Variants in SEMA3A observed in about 807,000 individuals in gnomAD.
SEMA3A encodes semaphorin 3A, also known as semaphorin-3A.
Under a neutral mutation model 97.9 loss-of-function variants are expected in SEMA3A, and 29 were observed. The observed-to-expected ratio is 0.30, with a 90% CI of 0.22 to 0.40. The LOEUF (loss-of-function observed/expected upper bound fraction) is 0.40. SEMA3A is among the 10% of genes least tolerant of loss of function. The pLI is 1.00. For synonymous variants in SEMA3A, 321 were observed against 323.7 expected (o/e 0.99, Z 0.09); for missense variants, 763 against 951.3 (o/e 0.80, Z 2.60).
chr7:84,236,919 T>C (rs1232575167), intron 3 of SEMA3A, among the ~76,000 whole-genome samples: 1 of 152,056 alleles, frequency 6.6e-6, no homozygotes, highest in Non-Finnish European at 1.5e-5. Flanking sequence ...GGATAGATTG[T>C]GTTAATTACC....
At chr7:84,432,803 G>A (rs1442811573) in intron 1 of SEMA3A, among the ~76,000 whole-genome samples, 1 of 150,726 alleles carries the variant, frequency 6.6e-6, no homozygotes, top group African/African-American at 2.4e-5. Flanking sequence ...TAGACATCTA[G>A]GTTGATTCCA....
At chr7:84,245,641 G>T (rs1334342469) in intron 3 of SEMA3A, among the ~76,000 whole-genome samples, 2 of 151,702 alleles carry the variant, frequency 1.3e-5, no homozygotes, top group African/African-American at 4.8e-5. Flanking sequence ...ATTTGCTGGA[G>T]GTCCACTCCA....
At chr7:84,086,108 A>T (rs905520914) in intron 4 of SEMA3A, among the ~76,000 whole-genome samples, 1 of 152,092 alleles carries the variant, frequency 6.6e-6, no homozygotes, top group African/African-American at 2.4e-5. Flanking sequence ...TGATAAAGTC[A>T]CAGAGCCAGA....
chr7:84,233,134 TCA>T (rs1799152835), intron 3 of SEMA3A, among the ~76,000 whole-genome samples: 1 of 152,070 alleles, frequency 6.6e-6, no homozygotes, highest in Non-Finnish European at 1.5e-5. Context: ...AACTTCTCAA[TCA>T]TGCAATATTT....
intron 1 of SEMA3A, among the ~76,000 whole-genome samples, chr7:84,401,853 A>T (rs1458941380): frequency 6.6e-6 from 1 of 152,230 alleles, no homozygotes; most frequent in Non-Finnish European, 1.5e-5. Context: ...CATATAAAAA[A>T]TCAACTCTGG....
chr7:84,173,201 A>T (rs1445914371), intron 1 of SEMA3A, among the ~76,000 whole-genome samples: 1 of 152,132 alleles, frequency 6.6e-6, no homozygotes, highest in Non-Finnish European at 1.5e-5. Flanking sequence ...TATCATTTTT[A>T]AAGTATCCTT....
At chr7:84,415,478 A>T (rs1804408185) in intron 1 of SEMA3A, among the ~76,000 whole-genome samples, 1 of 152,122 alleles carries the variant, frequency 6.6e-6, no homozygotes, top group South Asian at 2.1e-4. Context: ...TAAAAATTAC[A>T]TGCAGAAAAA....
At chr7:84,093,847 T>C (rs1487135187) in intron 4 of SEMA3A, among the ~76,000 whole-genome samples, 1 of 151,448 alleles carries the variant, frequency 6.6e-6, no homozygotes, top group Admixed American at 6.6e-5. Context: ...CTGGGCTTAA[T>C]ACTTAGGTGA....
intron 1 of SEMA3A, among the ~76,000 whole-genome samples, chr7:84,431,415 CTCT>C (rs1276959960): frequency 6.6e-6 from 1 of 151,922 alleles, no homozygotes; most frequent in Non-Finnish European, 1.5e-5. Context: ...CCTTTTAAAG[CTCT>C]TCTTCTTTGA....
intron 1 of SEMA3A, among the ~76,000 whole-genome samples, chr7:84,424,609 T>C (rs1271275675): frequency 5.1e-5 from 2 of 39,534 alleles, no homozygotes; most frequent in African/African-American, 3.3e-4. Flanking sequence ...AATATTAATA[T>C]ATAATATAAT....
chr7:83,980,118 C>T (rs909790164), intron 14 of SEMA3A, among the ~76,000 whole-genome samples: 12 of 152,186 alleles, frequency 7.9e-5, no homozygotes, highest in African/African-American at 2.9e-4. Context: ...ATGTTAATTT[C>T]ATCCACCATT....
intron 3 of SEMA3A, among the ~76,000 whole-genome samples, chr7:84,291,530 G>T (rs1562888866): frequency 1.3e-5 from 2 of 151,856 alleles, no homozygotes; most frequent in Admixed American, 6.6e-5. Flanking sequence ...ATTACGTAAT[G>T]CTGTCTCTTC....
In SEMA3A at chr7:84,416,612, T is replaced by C. The variant is rs187655533; in HGVS notation, c.-245-44712A>G. ...AAATGCAGTTGTATTCACAAACATT[T>C]AGCTTAAAAACGCAAAGGTTTGAAG... On this transcript the variant is annotated intron_variant, in intron 1 of 3. Transcript: ENST00000424555. 8.4e-4 allele frequency among the ~76,000 whole-genome samples: 128 copies of C among 152,252 alleles called. 1 individual carries two copies. Among genetic ancestry groups the C allele is most frequent in the Middle Eastern group, 3.4e-3 (1 of 294 alleles).
chr7:84,221,048 T>G (rs1798868382), intron 3 of SEMA3A, among the ~76,000 whole-genome samples: 1 of 152,162 alleles, frequency 6.6e-6, no homozygotes, highest in Non-Finnish European at 1.5e-5. Flanking sequence ...CTGTTTAGTG[T>G]AGTCACCTTC....
At chr7:84,190,214 G>A (rs767759389) in intron 1 of SEMA3A, among the ~76,000 whole-genome samples, 1 of 151,644 alleles carries the variant, frequency 6.6e-6, no homozygotes, top group Non-Finnish European at 1.5e-5. Flanking sequence ...CCACAAATTG[G>A]AGATTTTTAC....
At chr7:84,255,435 C>A (rs1467681896) in intron 3 of SEMA3A, among the ~76,000 whole-genome samples, 1 of 152,084 alleles carries the variant, frequency 6.6e-6, no homozygotes. Flanking sequence ...TCAAACCAAA[C>A]CTTGACCCCT....
intron 1 of SEMA3A, among the ~76,000 whole-genome samples, chr7:84,430,718 T>C (rs1165975550): frequency 2.0e-5 from 3 of 151,930 alleles, no homozygotes; most frequent in Non-Finnish European, 4.4e-5. Flanking sequence ...AGGCATATAA[T>C]ATAAGTTCAA....
chr7:84,336,243 T>C (rs1015157322), intron 2 of SEMA3A, among the ~76,000 whole-genome samples: 2 of 152,112 alleles, frequency 1.3e-5, no homozygotes, highest in African/African-American at 2.4e-5. Context: ...AAGTAGAAAA[T>C]GTGTGGTTAA....
At chr7:84,412,004 A>T (rs1337872748) in intron 1 of SEMA3A, among the ~76,000 whole-genome samples, 1 of 152,156 alleles carries the variant, frequency 6.6e-6, no homozygotes, top group South Asian at 2.1e-4. Context: ...CAAATTCTAC[A>T]ACACTTCTTG....
Sources: allele counts gnomAD v4.1 joint callset (sites outside exome capture counted in the v4.1 genomes callset), GRCh38; gene constraint gnomAD v4.1.1; transcripts MANE v1.5; gene names NCBI Gene and HGNC (gene_info 2026-07-23, HGNC 2026-07-21).